Variants in CUX2 observed in about 807,000 individuals in gnomAD.
CUX2 encodes cut like homeobox 2.
A neutral mutation model predicts 144.8 loss-of-function variants in CUX2; 40 were observed. That is an observed-to-expected ratio of 0.28 (90% CI 0.21 to 0.36). The LOEUF (loss-of-function observed/expected upper bound fraction) is 0.36, where lower values mean the gene tolerates loss of function less well. Ranked by LOEUF, CUX2 falls within the 10% of genes least tolerant of loss-of-function variation. CUX2 has a pLI of 1.00. For synonymous variants in CUX2, 827 were observed against 875.6 expected, an observed-to-expected ratio of 0.94 and a Z score of 0.98; for missense variants, 1,615 against 1,994.0, an observed-to-expected ratio of 0.81 and a Z score of 3.62.
intron 1 of CUX2, among the ~76,000 whole-genome samples, chr12:111,043,960 GC>G (rs758584461): frequency 6.6e-6 from 1 of 152,200 alleles, no homozygotes; most frequent in Non-Finnish European, 1.5e-5. Flanking sequence ...CCCATAGCTG[GC>G]CCAGCCAGGG....
chr12:111,317,893 G>A (rs1051023959), intron 16 of CUX2, among the ~76,000 whole-genome samples: 1 of 152,078 alleles, frequency 6.6e-6, no homozygotes, highest in Admixed American at 6.6e-5. Flanking sequence ...CCAGCTACTC[G>A]GGAGGCTGAG....
In CUX2 at chr12:111,186,151, C is replaced by T. The variant is rs1879516072; in HGVS notation, c.64-28049C>T. 6.6e-6 allele frequency among the ~76,000 whole-genome samples: 1 copy of T among 152,066 alleles called. No individual in the cohort carries two copies. The highest frequency in any genetic ancestry group is 2.4e-5 in the African/African-American group (1 of 41,396). ...TTCACGTCCTCTCTCGGCATTTCTC[C>T]TCTTTCCCACTCTCGGCATCCATCC... On this transcript the variant is annotated intron_variant, in intron 1 of 21. Coordinates refer to ENST00000261726, the MANE Select transcript of CUX2 (RefSeq NM_015267.4). The surrounding 1 kb of genome is among the most constrained non-coding windows in gnomAD (Gnocchi z 4.4).
At chr12:111,152,387 C>T (rs1877106674) in intron 1 of CUX2, among the ~76,000 whole-genome samples, 1 of 152,132 alleles carries the variant, frequency 6.6e-6, no homozygotes, top group Non-Finnish European at 1.5e-5. Flanking sequence ...GTGACCAGAC[C>T]CTGGGACCTC....
At position 111,170,617 on chromosome 12, in the gene CUX2, G is replaced by A. The variant is rs139603285; in HGVS notation, c.64-43583G>A. Among the ~76,000 whole-genome samples, 377 of 137,474 alleles carry A rather than the reference G, an allele frequency of 2.7e-3. 2 individuals are homozygous for A. Among genetic ancestry groups the A allele is most frequent in the African/African-American group, 7.8e-3 (278 of 35,702 alleles). 90.2% of individuals were successfully genotyped at this position (137,474 alleles called of 152,430 possible). ...CACCCAGGCTGGAATGCAGTGGCAC[G>A]ATCTCAGCTCACTGCAACCCCTGCC... On this transcript the variant is annotated intron_variant, in intron 1 of 21. Transcript: ENST00000261726.
At chr12:111,158,080 C>G (rs1566261229) in intron 1 of CUX2, among the ~76,000 whole-genome samples, 1 of 152,014 alleles carries the variant, frequency 6.6e-6, no homozygotes, top group Non-Finnish European at 1.5e-5. Context: ...CAGGAAGGTT[C>G]AAAGAAAAGA....
intron 3 of CUX2, among the ~76,000 whole-genome samples, chr12:111,259,526 A>C (rs1884004731): frequency 6.6e-6 from 1 of 152,224 alleles, no homozygotes. Flanking sequence ...AAAGAACACA[A>C]GCCACATTTG....
intron 1 of CUX2, among the ~76,000 whole-genome samples, chr12:111,195,052 G>A (rs971526787): frequency 6.6e-5 from 10 of 152,206 alleles, no homozygotes; most frequent in Non-Finnish European, 2.9e-5. Flanking sequence ...GCAGATCTGA[G>A]GCCCAAAGTG....
chr12:111,328,482 T>C (rs1887918748), intron 18 of CUX2, among the ~76,000 whole-genome samples: 1 of 152,152 alleles, frequency 6.6e-6, no homozygotes, highest in Non-Finnish European at 1.5e-5. Context: ...TTTCTCAGAA[T>C]TCTCAAGCAG....
intron 1 of CUX2, among the ~76,000 whole-genome samples, chr12:111,089,062 G>T (rs1294234318): frequency 6.6e-6 from 1 of 152,226 alleles, no homozygotes; most frequent in Non-Finnish European, 1.5e-5. Flanking sequence ...CAGGTGAGGA[G>T]ACTGAGGCAC....
At chr12:111,134,460 A>G (rs910298164) in intron 1 of CUX2, among the ~76,000 whole-genome samples, 2 of 152,210 alleles carry the variant, frequency 1.3e-5, no homozygotes, top group African/African-American at 2.4e-5. Flanking sequence ...ATCTAATTGA[A>G]TTAGAGAGCC....
chr12:111,069,347 A>T (rs547360895), intron 1 of CUX2, among the ~76,000 whole-genome samples: 1 of 152,102 alleles, frequency 6.6e-6, no homozygotes, highest in African/African-American at 2.4e-5. Flanking sequence ...TCTGAAGGGC[A>T]GTATTTTCTC....
At position 111,039,009 on chromosome 12, in the gene CUX2, G is replaced by C. The variant is rs555741953; in HGVS notation, c.63+4769G>C. ...AAAAGAGGATTCTATCTTCGAACTT[G>C]ACATTCTGTCATGGTAACCTTTCTT... On this transcript the variant is annotated intron_variant, in intron 1 of 21. Coordinates refer to ENST00000261726, the MANE Select transcript of CUX2 (RefSeq NM_015267.4). This position sits in a 1 kb window ranked among gnomAD's most constrained non-coding sequence, Gnocchi z 4.2. Among the ~76,000 whole-genome samples the C allele has an allele frequency of 2.0e-5, 3 of 151,548 alleles. No individual in the cohort carries two copies. Among genetic ancestry groups the C allele is most frequent in the Non-Finnish European group, 4.4e-5 (3 of 67,836 alleles).
At chr12:111,271,872 C>A (rs1884661388) in intron 4 of CUX2, among the ~76,000 whole-genome samples, 1 of 152,070 alleles carries the variant, frequency 6.6e-6, no homozygotes, top group African/African-American at 2.4e-5. Flanking sequence ...GGATATTAAC[C>A]TTTGTCCAGG....
intron 4 of CUX2, among the ~76,000 whole-genome samples, chr12:111,279,136 C>T (rs1885009683): frequency 6.6e-6 from 1 of 152,236 alleles, no homozygotes; most frequent in Non-Finnish European, 1.5e-5. Flanking sequence ...ACTGAACCCA[C>T]AGCCCAGTTC....
intron 21 of CUX2, 147 bp from the exon 22 acceptor site, chr12:111,347,377 G>C (rs964991642): frequency 2.0e-5 from 14 of 704,460 alleles, no homozygotes; most frequent in South Asian, 1.5e-4. Flanking sequence ...TTGTTGAGAA[G>C]ACTTAATAAG....
intron 1 of CUX2, among the ~76,000 whole-genome samples, chr12:111,201,070 G>A (rs1295676651): frequency 1.3e-5 from 2 of 151,970 alleles, no homozygotes; most frequent in Non-Finnish European, 2.9e-5. Context: ...AATGGCTTGT[G>A]ACCACCCTGG....
chr12:111,306,898 C>A, intron 10 of CUX2, 23 bp from the exon 11 acceptor site: 1 of 1,567,668 alleles, frequency 6.4e-7, no homozygotes, highest in South Asian at 1.2e-5. Flanking sequence ...CTCTCAGCCC[C>A]TCAAAGACCC....
chr12:111,342,412 C>T (rs889869816), intron 21 of CUX2, among the ~76,000 whole-genome samples: 2 of 151,464 alleles, frequency 1.3e-5, no homozygotes, highest in African/African-American at 2.4e-5. Flanking sequence ...GCCCAGGAGG[C>T]GGAGGCTGCA....
intron 1 of CUX2, among the ~76,000 whole-genome samples, chr12:111,082,308 T>G (rs1324501959): frequency 6.6e-6 from 1 of 151,924 alleles, no homozygotes; most frequent in Admixed American, 6.5e-5. Flanking sequence ...TCACAATATA[T>G]TGGAAGGAAT....
Sources: gnomAD v4.1 joint callset for allele counts (sites outside exome capture counted in the v4.1 genomes callset) on GRCh38, gnomAD v4.1.1 for gene constraint, Gnocchi (gnomAD v3.1) non-coding constraint, MANE v1.5 for transcripts, NCBI Gene and HGNC (gene_info 2026-07-23, HGNC 2026-07-21) for gene names.